HS3ST2: variants seen among roughly 807,000 people sequenced by gnomAD.
HS3ST2 encodes heparan sulfate-glucosamine 3-sulfotransferase 2, also known as heparan sulfate glucosamine 3-O-sulfotransferase 2.
HS3ST2 carries 17 observed loss-of-function variants against 26.3 expected under a neutral mutation model. The ratio of observed to expected loss-of-function variants is 0.65; its 90% CI spans 0.44 to 0.97. The LOEUF is 0.97. Ranked by LOEUF, HS3ST2 falls within the 50% of genes least tolerant of loss-of-function variation. HS3ST2 has a pLI of 0.00. For synonymous variants in HS3ST2, 237 were observed against 219.2 expected (o/e 1.08, Z -0.72); for missense variants, 402 against 501.2 (o/e 0.80, Z 1.89).
At chr16:22,820,539 C>A (rs1900977015) in intron 1 of HS3ST2, among the ~76,000 whole-genome samples, 1 of 152,214 alleles carries the variant, frequency 6.6e-6, no homozygotes, top group Non-Finnish European at 1.5e-5. Context: ...TACATGGCAG[C>A]AGGCAAGAGA....
At chr16:22,833,230 C>T (rs1205630769) in intron 1 of HS3ST2, 1 of 456,072 alleles carries the variant, frequency 2.2e-6, no homozygotes, top group Non-Finnish European at 4.4e-6. Flanking sequence ...TCTTCCATAA[C>T]CCCCATTTTT....
At chr16:22,873,031 T>C (rs932941111) in intron 1 of HS3ST2, among the ~76,000 whole-genome samples, 3 of 152,174 alleles carry the variant, frequency 2.0e-5, no homozygotes, top group East Asian at 3.8e-4. Context: ...TCCTTATATG[T>C]AAAGTGATGA....
intron 1 of HS3ST2, among the ~76,000 whole-genome samples, chr16:22,871,456 A>C (rs1901837684): frequency 6.6e-6 from 1 of 152,192 alleles, no homozygotes; most frequent in Non-Finnish European, 1.5e-5. Flanking sequence ...CAGCTTGGCT[A>C]AGCTACAATG....
At chr16:22,903,723 C>A (rs905485094) in intron 1 of HS3ST2, among the ~76,000 whole-genome samples, 28 of 152,126 alleles carry the variant, frequency 1.8e-4, no homozygotes, top group Admixed American at 1.6e-3. Flanking sequence ...TAAGAAGGAT[C>A]CCTTTGTAGT....
chr16:22,838,277 C>T (rs1901299461), intron 1 of HS3ST2, among the ~76,000 whole-genome samples: 1 of 152,012 alleles, frequency 6.6e-6, no homozygotes, highest in Non-Finnish European at 1.5e-5. Flanking sequence ...TGTACAATTC[C>T]ACGACCCAGG....
intron 1 of HS3ST2, among the ~76,000 whole-genome samples, chr16:22,850,003 A>G (rs1901496125): frequency 6.6e-6 from 1 of 152,184 alleles, no homozygotes; most frequent in Non-Finnish European, 1.5e-5. Flanking sequence ...TGGGTATGGG[A>G]GTAGGGTTGC....
chr16:22,832,038 A>G (rs972420491), intron 1 of HS3ST2, among the ~76,000 whole-genome samples: 5 of 152,062 alleles, frequency 3.3e-5, no homozygotes, highest in Non-Finnish European at 2.9e-5. Flanking sequence ...GCTGGAGTGC[A>G]GTGGCGTGAT....
At chr16:22,891,648 A>G (rs1301379210) in intron 1 of HS3ST2, among the ~76,000 whole-genome samples, 1 of 152,222 alleles carries the variant, frequency 6.6e-6, no homozygotes, top group Non-Finnish European at 1.5e-5. Flanking sequence ...TTTGACGTCT[A>G]ATGACTGAAT....
chr16:22,842,362 TG>T (rs1901371612), intron 1 of HS3ST2, among the ~76,000 whole-genome samples: 1 of 152,124 alleles, frequency 6.6e-6, no homozygotes, highest in East Asian at 1.9e-4. Flanking sequence ...TGTGTCCAGC[TG>T]GAGTACTGTA....
At chr16:22,816,905 G>A (rs1900879148) in intron 1 of HS3ST2, among the ~76,000 whole-genome samples, 1 of 152,128 alleles carries the variant, frequency 6.6e-6, no homozygotes, top group East Asian at 1.9e-4. Flanking sequence ...CTTTCAGATA[G>A]TGTGCCCTCC....
In HS3ST2 at chr16:22,894,050, G is replaced by C. The variant is rs1173791923; in HGVS notation, c.486-20894G>C. 2.0e-5 allele frequency among the ~76,000 whole-genome samples: 3 copies of C among 152,030 alleles called. No homozygotes were observed. The East Asian group carries it at 5.8e-4, about 29-fold the overall frequency. ...TGCCCAGGCTGGTCTTGAACTCCTG[G>C]GCTCAAATGATCTGCTGTCCTTGGC... On this transcript the variant is annotated intron_variant, in intron 1 of 1. Transcript: ENST00000261374.
At chr16:22,890,059 C>T (rs140294495) in intron 1 of HS3ST2, among the ~76,000 whole-genome samples, 1 of 152,162 alleles carries the variant, frequency 6.6e-6, no homozygotes, top group Non-Finnish European at 1.5e-5. Flanking sequence ...ACCCATGTAT[C>T]CTTCATGACA....
intron 1 of HS3ST2, among the ~76,000 whole-genome samples, chr16:22,816,698 T>C (rs1459785649): frequency 1.3e-5 from 2 of 152,196 alleles, no homozygotes; most frequent in African/African-American, 4.8e-5. Flanking sequence ...TCTAGGTGCA[T>C]GTGGACACTG....
At chr16:22,831,812 C>T (rs1901174328) in intron 1 of HS3ST2, among the ~76,000 whole-genome samples, 1 of 152,020 alleles carries the variant, frequency 6.6e-6, no homozygotes, top group South Asian at 2.1e-4. Flanking sequence ...GGGGTGGCCA[C>T]AAGAGGCAGA....
Position 22,814,570 on chromosome 16 carries a change from C to T in HS3ST2, c.-41C>T, listed in dbSNP as rs1431754096. On this transcript the variant is annotated 5_prime_UTR_variant, in exon 1 of 2. Transcript: ENST00000261374. ...GCCACAGCAGCTCAGCCGCCGGTGC[C>T]CCCTCGGAAACCATGACCCCCGGCG... 6.8e-7 allele frequency: 1 copy of T among 1,476,350 alleles called. No homozygotes were observed. The highest frequency in any genetic ancestry group is 8.9e-7 in the Non-Finnish European group (1 of 1,120,348). 91.5% of individuals were successfully genotyped at this position (1,476,350 alleles called of 1,614,324 possible).
chr16:22,853,432 A>G (rs895037315), intron 1 of HS3ST2, among the ~76,000 whole-genome samples: 10 of 152,206 alleles, frequency 6.6e-5, no homozygotes, highest in African/African-American at 2.2e-4. Flanking sequence ...ATTTCATAAC[A>G]ATTTCTACCA....
At chr16:22,839,408 C>T (rs548842355) in intron 1 of HS3ST2, among the ~76,000 whole-genome samples, 1 of 152,298 alleles carries the variant, frequency 6.6e-6, no homozygotes, top group East Asian at 1.9e-4. Context: ...CTCCTTCCTG[C>T]CTGGAGCTTC....
At chr16:22,837,322 G>A (rs978138526) in intron 1 of HS3ST2, among the ~76,000 whole-genome samples, 9 of 151,772 alleles carry the variant, frequency 5.9e-5, no homozygotes, top group African/African-American at 2.2e-4. Context: ...ACTGTGCAAA[G>A]TGCTTAGAGG....
chr16:22,893,382 T>C (rs1902156006), intron 1 of HS3ST2, among the ~76,000 whole-genome samples: 1 of 152,264 alleles, frequency 6.6e-6, no homozygotes. Context: ...TCCTTCAATA[T>C]GCTAGTGCCT....
Sources: gnomAD v4.1 joint callset for allele counts (sites outside exome capture counted in the v4.1 genomes callset) on GRCh38, gnomAD v4.1.1 for gene constraint, MANE v1.5 for transcripts, NCBI Gene and HGNC (gene_info 2026-07-23, HGNC 2026-07-21) for gene names.